The following TEC variants were observed in gnomAD, a reference collection of about 807,000 sequenced individuals.
TEC encodes tec protein tyrosine kinase.
Under a neutral mutation model 93.0 loss-of-function variants are expected in TEC, and 72 were observed. The observed-to-expected ratio is 0.77, with a 90% CI of 0.64 to 0.94. The LOEUF (loss-of-function observed/expected upper bound fraction) is 0.94. Among genes scored for constraint, TEC ranks in the 40% least tolerant of loss-of-function variants. TEC has a pLI of 0.00. For missense variants in TEC, 630 were observed against 757.9 expected, an observed-to-expected ratio of 0.83 and a Z score of 1.98; for synonymous variants, 249 against 247.7, an observed-to-expected ratio of 1.01 and a Z score of -0.05.
chr4:48,153,244 G>A lies in TEC; in HGVS notation c.793-2302C>T, dbSNP rs578219961. The stretch of plus-strand genomic sequence containing the variant: ...CCAAAAAAAAAAAAGAAATACTTAA[G>A]TACTAAAAGTCAAGGGAGCAAATGA... On this transcript the variant is annotated intron_variant, in intron 9 of 17. Transcript: ENST00000381501. Among the ~76,000 whole-genome samples the A allele has an allele frequency of 2.7e-5, 4 of 150,772 alleles. No homozygotes were observed. In the East Asian group the frequency reaches 7.8e-4, roughly 29 times the overall value.
intron 14 of TEC, among the ~76,000 whole-genome samples, chr4:48,143,273 T>C (rs1032300314): frequency 5.3e-5 from 8 of 152,200 alleles, no homozygotes; most frequent in African/African-American, 1.9e-4. Context: ...AAACCTACCA[T>C]AGTAATACCA....
intron 7 of TEC, among the ~76,000 whole-genome samples, chr4:48,166,141 A>G (rs1720864150): frequency 6.6e-6 from 1 of 152,198 alleles, no homozygotes; most frequent in South Asian, 2.1e-4. Context: ...GATGCGGGGT[A>G]GCTTTTGCAA....
intron 2 of TEC, among the ~76,000 whole-genome samples, chr4:48,210,695 A>G (rs1177683338): frequency 3.3e-5 from 5 of 152,210 alleles, no homozygotes; most frequent in Admixed American, 3.3e-4. Context: ...AGAGATGTCA[A>G]ACACATGAAC....
chr4:48,257,927 T>A (rs1476298326), intron 1 of TEC, among the ~76,000 whole-genome samples: 1 of 152,144 alleles, frequency 6.6e-6, no homozygotes, highest in Admixed American at 6.5e-5. Flanking sequence ...AGTGAAAAAA[T>A]TATCTTAGAT....
rs60185675 is a variant in TEC at position 48,195,511 on chromosome 4, G to A, written c.139-19325C>T. Among the ~76,000 whole-genome samples the A allele has an allele frequency of 4.2e-3, 634 of 152,268 alleles. 4 individuals carry two copies. Among genetic ancestry groups the A allele is most frequent in the African/African-American group, 0.014 (585 of 41,534 alleles). On this transcript the variant is annotated intron_variant, in intron 2 of 17. Transcript: ENST00000381501. ...AAGCCTTAGAAACAACAACAATCCCGATGTTTATACAACTGCTCGTACAGG... is the reference window on the plus strand; with the variant it reads ...AAGCCTTAGAAACAACAACAATCCCAATGTTTATACAACTGCTCGTACAGG...
intron 8 of TEC, among the ~76,000 whole-genome samples, chr4:48,159,291 C>T (rs1357143659): frequency 1.3e-5 from 2 of 152,196 alleles, no homozygotes; most frequent in East Asian, 3.9e-4. Flanking sequence ...TGAAAAAAGG[C>T]CTCAGGCTGC....
At chr4:48,186,473 C>T (rs1369815557) in intron 2 of TEC, among the ~76,000 whole-genome samples, 13 of 151,420 alleles carry the variant, frequency 8.6e-5, no homozygotes, top group African/African-American at 1.5e-4. Flanking sequence ...CCCGCCGCCC[C>T]GTCTGGGATG....
At chr4:48,176,253 TAAGGA>T in intron 2 of TEC, 67 bp from the exon 3 acceptor site, 2 of 1,260,082 alleles carry the variant, frequency 1.6e-6, no homozygotes, top group Non-Finnish European at 2.3e-6. Context: ...GTAATATTGT[TAAGGA>T]AATTTTGCTC....
At chr4:48,215,676 AGGT>A (rs1489512674) in intron 2 of TEC, among the ~76,000 whole-genome samples, 188 of 152,312 alleles carry the variant, frequency 1.2e-3, no homozygotes, top group African/African-American at 4.5e-3. Context: ...GTTTATCAAG[AGGT>A]AACCCTGTCG....
At chr4:48,265,110 A>C (rs1489687993) in intron 1 of TEC, among the ~76,000 whole-genome samples, 1 of 152,240 alleles carries the variant, frequency 6.6e-6, no homozygotes, top group South Asian at 2.1e-4. Flanking sequence ...TGCTCCAAAA[A>C]ATCATTAAGC....
intron 2 of TEC, among the ~76,000 whole-genome samples, chr4:48,201,950 T>C (rs1393732248): frequency 3.5e-5 from 5 of 143,342 alleles, no homozygotes; most frequent in Non-Finnish European, 7.6e-5. Flanking sequence ...GTACTGTGGC[T>C]TATTTTTTTT....
At chr4:48,178,486 A>G (rs1721424308) in intron 2 of TEC, among the ~76,000 whole-genome samples, 1 of 152,178 alleles carries the variant, frequency 6.6e-6, no homozygotes, top group Non-Finnish European at 1.5e-5. Context: ...TGAGGTACAC[A>G]TTATTCTCCT....
chr4:48,164,552 TAC>T (rs3062061), intron 7 of TEC, among the ~76,000 whole-genome samples: 1 of 151,042 alleles, frequency 6.6e-6, no homozygotes, highest in African/African-American at 2.4e-5. Flanking sequence ...GAACTCATAA[TAC>T]ACACACACAC....
chr4:48,139,569 T>C (rs1719575242), intron 15 of TEC, among the ~76,000 whole-genome samples: 1 of 152,226 alleles, frequency 6.6e-6, no homozygotes, highest in South Asian at 2.1e-4. Flanking sequence ...TATTTATACA[T>C]AACATCCCCA....
chr4:48,166,110 T>G (rs2109539598), intron 7 of TEC, among the ~76,000 whole-genome samples: 1 of 152,306 alleles, frequency 6.6e-6, no homozygotes, highest in African/African-American at 2.4e-5. Flanking sequence ...TCCCTTTCAC[T>G]GAGGCTGAAG....
intron 15 of TEC, 75 bp from the exon 16 acceptor site, chr4:48,139,097 C>T: frequency 1.5e-6 from 2 of 1,326,672 alleles, no homozygotes; most frequent in Non-Finnish European, 2.1e-6. Context: ...TCATTTTTTT[C>T]CCCTTGCAAT....
intron 3 of TEC, among the ~76,000 whole-genome samples, chr4:48,174,795 G>A (rs929851156): frequency 1.3e-5 from 2 of 152,144 alleles, no homozygotes; most frequent in Non-Finnish European, 1.5e-5. Flanking sequence ...AATATTAGGT[G>A]TAATATTAAT....
At chr4:48,242,696 T>C (rs1322388747) in intron 1 of TEC, among the ~76,000 whole-genome samples, 1 of 152,344 alleles carries the variant, frequency 6.6e-6, no homozygotes, top group African/African-American at 2.4e-5. Context: ...AAGTTCTTTT[T>C]TTCTGAGGGG....
intron 3 of TEC, among the ~76,000 whole-genome samples, chr4:48,172,381 C>T (rs1365195206): frequency 6.6e-6 from 1 of 152,094 alleles, no homozygotes; most frequent in Admixed American, 6.5e-5. Flanking sequence ...ATGGTTATCA[C>T]TGACCATATT....
Sources: allele counts gnomAD v4.1 joint callset (sites outside exome capture counted in the v4.1 genomes callset), GRCh38; gene constraint gnomAD v4.1.1; transcripts MANE v1.5; gene names NCBI Gene and HGNC (gene_info 2026-07-23, HGNC 2026-07-21).